CAVIN1: variants seen among roughly 807,000 people sequenced by gnomAD.
CAVIN1 encodes the protein caveolae associated protein 1, also known as caveolae-associated protein 1.
CAVIN1 carries 16 observed loss-of-function variants against 24.0 expected under a neutral mutation model. The observed-to-expected ratio is 0.67, with a 90% CI of 0.45 to 1.01. CAVIN1 has a LOEUF of 1.01. Among genes scored for constraint, CAVIN1 ranks in the 50% least tolerant of loss-of-function variants. The probability of loss-of-function intolerance (pLI) is 0.00; values close to 1 mark genes in which losing one functional copy is unlikely to be tolerated. For missense variants in CAVIN1, 510 were observed against 551.7 expected (o/e 0.92, Z 0.76); for synonymous variants, 256 against 256.4 (o/e 1.00, Z 0.02).
At chr17:42,412,612 G>A (rs34154026) in intron 1 of CAVIN1, among the ~76,000 whole-genome samples, 84,335 of 144,356 alleles carry the variant, frequency 0.58, 26,723 homozygotes, top group Admixed American at 0.72. Context: ...GCCCAGGCTA[G>A]AAACTATTTT....
chr17:42,406,195 A>C (rs550526844), intron 1 of CAVIN1, among the ~76,000 whole-genome samples: 1 of 152,092 alleles, frequency 6.6e-6, no homozygotes, highest in South Asian at 2.1e-4. Flanking sequence ...ACACAGCTCC[A>C]CTTTGGAAAT....
chr17:42,407,476 C>T (rs985627986), intron 1 of CAVIN1, among the ~76,000 whole-genome samples: 3 of 152,136 alleles, frequency 2.0e-5, no homozygotes, highest in South Asian at 4.1e-4. Flanking sequence ...CCTCTTTCCT[C>T]TTCCCTCCCA....
intron 1 of CAVIN1, among the ~76,000 whole-genome samples, chr17:42,410,435 T>C (rs2085468742): frequency 6.6e-6 from 1 of 152,128 alleles, no homozygotes; most frequent in African/African-American, 2.4e-5. Flanking sequence ...CCTTCTGCTC[T>C]AGCGTGCATT....
chr17:42,404,755 CG>C lies in CAVIN1; in HGVS notation c.1104del (p.Asp368GlufsTer51). On this transcript the variant is annotated frameshift_variant, in exon 2 of 2. Transcript: ENST00000357037. LOFTEE classifies it high-confidence loss of function. ...AGDLRRGSSP[D>X]VHALLEITEE... Reference sequence around the variant, plus strand: ...TCGGTGATCTCCAGCAGCGCGTGCACGTCGGGGCTGCTCCCGCGCCGCAGGT... The same window carrying C: ...TCGGTGATCTCCAGCAGCGCGTGCACTCGGGGCTGCTCCCGCGCCGCAGGT... 6.4e-7 allele frequency: 1 copy of C among 1,557,286 alleles called. No individual in the cohort carries two copies. Among genetic ancestry groups the C allele is most frequent in the Non-Finnish European group, 8.7e-7 (1 of 1,155,688 alleles).
intron 1 of CAVIN1, among the ~76,000 whole-genome samples, chr17:42,408,033 A>T (rs183448433): frequency 2.1e-4 from 31 of 150,260 alleles, no homozygotes; most frequent in African/African-American, 4.8e-4. Context: ...TATATATATT[A>T]AAAAAAATTC....
intron 1 of CAVIN1, among the ~76,000 whole-genome samples, chr17:42,417,851 G>T (rs1323955253): frequency 1.3e-5 from 2 of 152,116 alleles, no homozygotes; most frequent in East Asian, 3.9e-4. Flanking sequence ...TTAGAGATGG[G>T]GTTTCACCAT....
In CAVIN1 at chr17:42,404,748, G is replaced by A; in HGVS notation, c.1112C>T (p.Ala371Val). 6.6e-7 allele frequency: 1 copy of A among 1,524,154 alleles called. No homozygotes were observed. Among genetic ancestry groups the A allele is most frequent in the Non-Finnish European group, 8.8e-7 (1 of 1,142,156 alleles). The allele number at this position is 1,524,154 out of a possible 1,614,324, so 94.4% of individuals were successfully genotyped here. Residue 371 changes from alanine (A) to valine (V), a missense_variant, in exon 2 of 2, where the codon GCG becomes GTG. By Grantham distance (64) the Ala-to-Val change is moderately conservative. Coordinates refer to ENST00000357037, the MANE Select transcript of CAVIN1 (RefSeq NM_012232.6). ...CGACTCCTCGGTGATCTCCAGCAGC[G>A]CGTGCACGTCGGGGCTGCTCCCGCG... ...LRRGSSPDVH[A>V]LLEITEESDA... is the part of the protein sequence containing the mutation.
intron 1 of CAVIN1, among the ~76,000 whole-genome samples, chr17:42,421,600 C>T (rs1324081219): frequency 6.6e-6 from 1 of 152,060 alleles, no homozygotes; most frequent in Admixed American, 6.5e-5. Flanking sequence ...GCGGAAGCGG[C>T]GTGGAGAGGA....
chr17:42,420,264 C>A (rs2085537402), intron 1 of CAVIN1, among the ~76,000 whole-genome samples: 1 of 152,228 alleles, frequency 6.6e-6, no homozygotes, highest in African/African-American at 2.4e-5. Flanking sequence ...AATGCTGCTG[C>A]CCCCAATCTT....
At chr17:42,419,737 C>T (rs546542537) in intron 1 of CAVIN1, among the ~76,000 whole-genome samples, 1 of 152,226 alleles carries the variant, frequency 6.6e-6, no homozygotes, top group South Asian at 2.1e-4. Context: ...TGTTGCTAGC[C>T]AAGTGTCGCC....
At chr17:42,414,172 A>G (rs969754921) in intron 1 of CAVIN1, among the ~76,000 whole-genome samples, 2 of 152,140 alleles carry the variant, frequency 1.3e-5, no homozygotes, top group Admixed American at 1.3e-4. Flanking sequence ...AAGTGCTGGG[A>G]TTACAGGCAT....
chr17:42,420,885 G>A (rs2085540802), intron 1 of CAVIN1, among the ~76,000 whole-genome samples: 1 of 152,110 alleles, frequency 6.6e-6, no homozygotes, highest in Non-Finnish European at 1.5e-5. Flanking sequence ...CCAGGCTCTG[G>A]AGGAAATATA....
intron 1 of CAVIN1, among the ~76,000 whole-genome samples, chr17:42,417,459 C>CATA (rs370138585): frequency 7.6e-6 from 1 of 131,258 alleles, no homozygotes; most frequent in East Asian, 2.2e-4. Flanking sequence ...AACTTGTCTC[C>CATA]AAAAAAAAAA....
chr17:42,405,375 A>T lies in CAVIN1; in HGVS notation c.485T>A (p.Leu162Gln). The T allele has an allele frequency of 6.2e-7, 1 of 1,605,380 alleles. No homozygotes were observed. The highest frequency in any genetic ancestry group is 1.1e-5 in the South Asian group (1 of 91,086). The change falls in exon 2 of 2, where the codon CTG (leucine) becomes CAG (glutamine). Residue 162 changes from leucine to glutamine, a missense_variant. By Grantham distance (113) the Leu-to-Gln change is moderately radical (BLOSUM62 -2). Coordinates refer to ENST00000357037, the MANE Select transcript of CAVIN1 (RefSeq NM_012232.6). The stretch of plus-strand genomic sequence containing the variant: ...TTTGCTGATGCTCAGTTTGGCCGGC[A>T]GCTTCACTTCATCCTAAGGGAAGAG... ...KVMIYQDEVK[L>Q]PAKLSISKSL...
intron 1 of CAVIN1, among the ~76,000 whole-genome samples, chr17:42,406,134 C>T (rs1301825874): frequency 6.6e-6 from 1 of 152,016 alleles, no homozygotes; most frequent in Non-Finnish European, 1.5e-5. Context: ...CAACCCTGTC[C>T]TGATCCCTTT....
chr17:42,416,593 CAAAAAA>C (rs34249867), intron 1 of CAVIN1, among the ~76,000 whole-genome samples: 3 of 54,462 alleles, frequency 5.5e-5, no homozygotes, highest in African/African-American at 7.0e-5. Flanking sequence ...GATCCTTTCT[CAAAAAA>C]AAAAAAAAAA....
In CAVIN1 at chr17:42,423,051, T is replaced by C; in HGVS notation, c.47A>G (p.Tyr16Cys). Residue 16 changes from tyrosine to cysteine, a missense_variant, in exon 1 of 2, where the codon TAC becomes TGC. Tyr to Cys is a radical substitution (Grantham distance 194). Transcript: ENST00000357037. ...AGGCTCCGGGGCCTCGGCGTCGGGGTACCCGGGAAGCGGCCGCTCGACAAT... is the reference window on the plus strand; with the variant it reads ...AGGCTCCGGGGCCTCGGCGTCGGGGCACCCGGGAAGCGGCCGCTCGACAAT... ...LYIVERPLPG[Y>C]PDAEAPEPSS... 1.2e-6 allele frequency: 2 copies of C among 1,608,876 alleles called. No individual in the cohort carries two copies. The highest frequency in any genetic ancestry group is 1.7e-6 in the Non-Finnish European group (2 of 1,178,242).
At chr17:42,407,389 C>A (rs2085452057) in intron 1 of CAVIN1, among the ~76,000 whole-genome samples, 1 of 151,962 alleles carries the variant, frequency 6.6e-6, no homozygotes, top group Non-Finnish European at 1.5e-5. Context: ...ACTGACACCA[C>A]ACACACACAC....
At chr17:42,417,883 C>G (rs1480157886) in intron 1 of CAVIN1, among the ~76,000 whole-genome samples, 1 of 152,150 alleles carries the variant, frequency 6.6e-6, no homozygotes, top group Non-Finnish European at 1.5e-5. Flanking sequence ...TAGTCTCTAA[C>G]TCCTGACCTC....
Sources: gnomAD v4.1 joint callset for allele counts (sites outside exome capture counted in the v4.1 genomes callset) on GRCh38, gnomAD v4.1.1 for gene constraint, MANE v1.5 for transcripts, NCBI Gene and HGNC (gene_info 2026-07-23, HGNC 2026-07-21) for gene names.